GIGYF2: variants seen among roughly 807,000 people sequenced by gnomAD.
GIGYF2 encodes the protein GRB10 interacting GYF protein 2.
A neutral mutation model predicts 208.1 loss-of-function variants in GIGYF2; 25 were observed. That is an observed-to-expected ratio of 0.12 (90% CI 0.09 to 0.17). GIGYF2 has a LOEUF of 0.17. Ranked by LOEUF, GIGYF2 falls within the 10% of genes least tolerant of loss-of-function variation. The pLI, the probability that GIGYF2 is intolerant of heterozygous loss-of-function variation, is 1.00. For synonymous variants in GIGYF2, 534 were observed against 543.8 expected, an observed-to-expected ratio of 0.98 and a Z score of 0.25; for missense variants, 1,302 against 1,579.4, an observed-to-expected ratio of 0.82 and a Z score of 2.98.
At chr2:232,826,542 T>C (rs1011655042) in intron 21 of GIGYF2, among the ~76,000 whole-genome samples, 6 of 152,198 alleles carry the variant, frequency 3.9e-5, no homozygotes, top group African/African-American at 1.4e-4. Context: ...ACAAATGGTA[T>C]CTAATTAAAG....
intron 14 of GIGYF2, among the ~76,000 whole-genome samples, chr2:232,798,556 C>T (rs1337303905): frequency 1.3e-5 from 2 of 152,164 alleles, no homozygotes; most frequent in Non-Finnish European, 2.9e-5. Context: ...AGTTTCTCCA[C>T]ATCCTTATCA....
chr2:232,781,761 G>A (rs1699730140), intron 8 of GIGYF2, among the ~76,000 whole-genome samples: 1 of 151,980 alleles, frequency 6.6e-6, no homozygotes, highest in Non-Finnish European at 1.5e-5. Context: ...AGAATTTCTG[G>A]CTGCTTCCAA....
intron 18 of GIGYF2, among the ~76,000 whole-genome samples, chr2:232,813,715 C>T (rs1180874879): frequency 1.3e-5 from 2 of 151,994 alleles, no homozygotes; most frequent in Non-Finnish European, 2.9e-5. Context: ...GATTGTCTTC[C>T]CTCATCGACT....
intron 14 of GIGYF2, among the ~76,000 whole-genome samples, chr2:232,804,230 T>G (rs1253144867): frequency 6.6e-6 from 1 of 152,210 alleles, no homozygotes; most frequent in Admixed American, 6.5e-5. Flanking sequence ...CTCTATCAGT[T>G]TGAGAAGACT....
chr2:232,842,996 C>T (rs1409638180), intron 23 of GIGYF2: 1 of 152,144 alleles, frequency 6.6e-6, no homozygotes, highest in African/African-American at 2.4e-5. Context: ...CCTGAGCCTT[C>T]TTTGTGAATC....
chr2:232,785,847 G>A (rs1699891950), intron 8 of GIGYF2, among the ~76,000 whole-genome samples: 2 of 152,160 alleles, frequency 1.3e-5, no homozygotes, highest in Non-Finnish European at 2.9e-5. Flanking sequence ...ATATGCTGTT[G>A]TTCAATTATT....
chr2:232,832,572 T>A (rs1173109235), intron 21 of GIGYF2, among the ~76,000 whole-genome samples: 1 of 152,214 alleles, frequency 6.6e-6, no homozygotes, highest in Non-Finnish European at 1.5e-5. Flanking sequence ...CAGGAGACTT[T>A]CCTGTAGTTG....
intron 18 of GIGYF2, among the ~76,000 whole-genome samples, chr2:232,814,566 C>CA (rs1194533153): frequency 1.2e-3 from 49 of 40,800 alleles, no homozygotes; most frequent in African/African-American, 5.7e-3. Flanking sequence ...CCACCTCAAA[C>CA]CCCCCCCCCC....
At chr2:232,740,294 G>GAAACAAA (rs1697925218) in intron 3 of GIGYF2, among the ~76,000 whole-genome samples, 1 of 151,968 alleles carries the variant, frequency 6.6e-6, no homozygotes, top group Admixed American at 6.6e-5. Context: ...CCCGTCTTTA[G>GAAACAAA]AAACAAAAAA....
chr2:232,790,806 G>T lies in GIGYF2; in HGVS notation c.821G>T (p.Gly274Val). The change falls in exon 10 of 29, where the codon GGC (glycine) becomes GTC (valine). Residue 274 changes from glycine (G) to valine (V), a missense_variant. By Grantham distance (109) the Gly-to-Val change is moderately radical. This residue lies in a region of GIGYF2 where 50 missense variants were observed against 42.3 expected (regional missense o/e 1.18). Transcript: ENST00000373563. ...DERGYRRVRS[G>V]SGSIDDDRDS... ...CGGGGTTACCGAAGGGTTCGCTCTGGCAGTGGGAGCATAGATGATGACAGG... is the reference window on the plus strand; with the variant it reads ...CGGGGTTACCGAAGGGTTCGCTCTGTCAGTGGGAGCATAGATGATGACAGG... 3 of 1,614,084 alleles carry T rather than the reference G, an allele frequency of 1.9e-6. No individual in the cohort carries two copies. The highest frequency in any genetic ancestry group is 1.6e-4 in the Middle Eastern group (1 of 6,062).
intron 2 of GIGYF2, among the ~76,000 whole-genome samples, chr2:232,706,597 G>A (rs1696123161): frequency 1.3e-5 from 2 of 152,118 alleles, no homozygotes; most frequent in African/African-American, 4.8e-5. Context: ...GACCAACACG[G>A]CGAAACCCTG....
rs1700046891 is a variant in GIGYF2, at chr2:232,790,797, T to C, written c.812T>C (p.Val271Ala). ...DRDDERGYRR[V>A]RSGSGSIDDD... ...GATGATGAACGGGGTTACCGAAGGG[T>C]TCGCTCTGGCAGTGGGAGCATAGAT... Residue 271 changes from valine to alanine, a missense_variant, in exon 10 of 29, where the codon GTT becomes GCT. By Grantham distance (64) the Val-to-Ala change is moderately conservative (BLOSUM62 0). Coordinates refer to ENST00000373563, the MANE Select transcript of GIGYF2 (RefSeq NM_001103146.3). 44 of 1,614,018 alleles carry C rather than the reference T, an allele frequency of 2.7e-5. No individual in the cohort carries two copies. The highest frequency in any genetic ancestry group is 3.7e-5 in the Non-Finnish European group (44 of 1,179,950).
chr2:232,821,530 C>G (rs182196622), intron 21 of GIGYF2, among the ~76,000 whole-genome samples: 3 of 152,222 alleles, frequency 2.0e-5, no homozygotes, highest in East Asian at 1.9e-4. Context: ...TTTTTTCTTA[C>G]AAGTTGTATA....
chr2:232,715,331 G>A lies in GIGYF2; in HGVS notation c.-44+11842G>A, dbSNP rs1035736361. The stretch of plus-strand genomic sequence containing the variant: ...AAGCTGACCTTAATTTCATGGCATA[G>A]GTAATGATTCAGAATTGTATTGGGT... On this transcript the variant is annotated intron_variant, in intron 2 of 28. Coordinates refer to ENST00000373563, the MANE Select transcript of GIGYF2 (RefSeq NM_001103146.3). Among the ~76,000 whole-genome samples, 6 of 152,220 alleles carry A rather than the reference G, an allele frequency of 3.9e-5. No individual in the cohort carries two copies. In the South Asian group the frequency reaches 1.2e-3, roughly 32 times the overall value.
chr2:232,718,295 A>G (rs576873108), intron 2 of GIGYF2, among the ~76,000 whole-genome samples: 81 of 151,992 alleles, frequency 5.3e-4, no homozygotes, highest in African/African-American at 1.9e-3. Flanking sequence ...ACAGGGTTTC[A>G]CCGTTGTTGG....
rs1690708525 is a variant in GIGYF2 at position 232,859,873 on chromosome 2, G to A, written c.*3013G>A. On this transcript the variant is annotated 3_prime_UTR_variant, in exon 29 of 29. Transcript: ENST00000373563. ...GCTTCCCCCAGAGAACCAGGCAGAA[G>A]CTGTGTTACCTTTTTGAGCTCTTAG... 1 of 152,118 alleles carries A rather than the reference G, an allele frequency of 6.6e-6. No individual in the cohort carries two copies. 9.4% of individuals were successfully genotyped at this position (152,118 alleles called of 1,614,324 possible).
At chr2:232,831,363 A>G (rs1005517904) in intron 21 of GIGYF2, among the ~76,000 whole-genome samples, 2 of 152,120 alleles carry the variant, frequency 1.3e-5, no homozygotes, top group African/African-American at 4.8e-5. Context: ...TCCAAGTTAC[A>G]TTGTGTGTTG....
At chr2:232,755,810 C>T (rs1371199657) in intron 5 of GIGYF2, among the ~76,000 whole-genome samples, 1 of 152,208 alleles carries the variant, frequency 6.6e-6, no homozygotes, top group Non-Finnish European at 1.5e-5. Flanking sequence ...CTTTTGGTAA[C>T]TCCCTTTCAT....
intron 2 of GIGYF2, among the ~76,000 whole-genome samples, chr2:232,710,398 C>T (rs1332677658): frequency 6.6e-6 from 1 of 152,090 alleles, no homozygotes; most frequent in Non-Finnish European, 1.5e-5. Flanking sequence ...CATCTTTGTG[C>T]GTTTTGAATA....
Sources: allele counts gnomAD v4.1 joint callset (sites outside exome capture counted in the v4.1 genomes callset), GRCh38; gene constraint gnomAD v4.1.1; regional missense constraint gnomAD v4.1.1; transcripts MANE v1.5; gene names NCBI Gene and HGNC (gene_info 2026-07-23, HGNC 2026-07-21).